NEGR1: variants seen among roughly 807,000 people sequenced by gnomAD.
NEGR1 encodes the protein IgLON family member 4.
In NEGR1, 10 loss-of-function variants were observed where a neutral mutation model predicts 40.9. That is an observed-to-expected ratio of 0.24 (90% confidence interval 0.15 to 0.42). The LOEUF (loss-of-function observed/expected upper bound fraction) is 0.42, where lower values mean the gene tolerates loss of function less well. NEGR1 is among the 10% of genes least tolerant of loss of function. The probability of loss-of-function intolerance (pLI) is 1.00; values close to 1 mark genes in which losing one functional copy is unlikely to be tolerated. For synonymous variants in NEGR1, 185 were observed against 166.8 expected (o/e 1.11, Z -0.84); for missense variants, 352 against 438.9 (o/e 0.80, Z 1.77).
intron 5 of NEGR1, 112 bp from the exon 6 acceptor site, chr1:71,593,080 T>C: frequency 1.5e-6 from 1 of 647,394 alleles, no homozygotes; most frequent in Admixed American, 2.6e-5. Flanking sequence ...TACGCTGACG[T>C]TAGCATATAA....
At chr1:71,471,705 A>T (rs915756033) in intron 6 of NEGR1, among the ~76,000 whole-genome samples, 1 of 152,090 alleles carries the variant, frequency 6.6e-6, no homozygotes, top group East Asian at 1.9e-4. Context: ...GGTGCTCAAT[A>T]AAATCTGACC....
intron 1 of NEGR1, among the ~76,000 whole-genome samples, chr1:72,182,457 C>T (rs1413012384): frequency 6.6e-6 from 1 of 152,054 alleles, no homozygotes; most frequent in African/African-American, 2.4e-5. Context: ...CATGCCACTG[C>T]ATTCCAGGCT....
At chr1:71,692,219 T>C (rs1653310013) in intron 4 of NEGR1, among the ~76,000 whole-genome samples, 1 of 151,788 alleles carries the variant, frequency 6.6e-6, no homozygotes, top group African/African-American at 2.4e-5. Flanking sequence ...TTATAGGAAC[T>C]AATACTTTAT....
At chr1:71,572,604 C>T (rs140342867) in intron 6 of NEGR1, among the ~76,000 whole-genome samples, 6 of 152,186 alleles carry the variant, frequency 3.9e-5, no homozygotes, top group African/African-American at 7.2e-5. Context: ...CAGCCATGTA[C>T]GCGTGAGGTC....
At chr1:71,801,084 T>C (rs1401364412) in intron 2 of NEGR1, among the ~76,000 whole-genome samples, 1 of 152,168 alleles carries the variant, frequency 6.6e-6, no homozygotes, top group African/African-American at 2.4e-5. Context: ...TCAGCTCTCA[T>C]CTTACTTAGT....
chr1:72,118,819 T>A (rs1364842196), intron 1 of NEGR1, among the ~76,000 whole-genome samples: 1 of 151,804 alleles, frequency 6.6e-6, no homozygotes, highest in Non-Finnish European at 1.5e-5. Context: ...TATTGTTTAT[T>A]TTCTATATTT....
chr1:71,436,974 G>T (rs1340741854), intron 6 of NEGR1, among the ~76,000 whole-genome samples: 4 of 152,090 alleles, frequency 2.6e-5, no homozygotes, highest in African/African-American at 9.7e-5. Context: ...CTGCATAGGG[G>T]CTTAGGGCCT....
chr1:71,855,592 T>C (rs774481480), intron 2 of NEGR1, among the ~76,000 whole-genome samples: 5 of 152,068 alleles, frequency 3.3e-5, no homozygotes, highest in Non-Finnish European at 5.9e-5. Flanking sequence ...ACAATAAGCC[T>C]ATTATTTTGA....
chr1:72,089,813 T>C (rs1272774577), intron 1 of NEGR1, among the ~76,000 whole-genome samples: 1 of 152,240 alleles, frequency 6.6e-6, no homozygotes, highest in East Asian at 1.9e-4. Context: ...ATTAAATATA[T>C]GTAACTAATT....
intron 2 of NEGR1, among the ~76,000 whole-genome samples, chr1:71,834,887 T>TCACACA (rs10524992): frequency 2.7e-5 from 4 of 146,236 alleles, no homozygotes; most frequent in African/African-American, 1.0e-4. Flanking sequence ...TTTTAGGAGA[T>TCACACA]CACACACACA....
chr1:71,732,645 AG>A (rs1654921317), intron 3 of NEGR1, among the ~76,000 whole-genome samples: 1 of 152,100 alleles, frequency 6.6e-6, no homozygotes, highest in East Asian at 1.9e-4. Context: ...GAAAAAATCA[AG>A]TTTTTTTTCC....
chr1:72,096,028 T>C (rs1026345951), intron 1 of NEGR1, among the ~76,000 whole-genome samples: 12 of 152,152 alleles, frequency 7.9e-5, no homozygotes, highest in Non-Finnish European at 1.5e-4. Context: ...TGATAAAGTA[T>C]CTTGCTAAGA....
Position 72,282,396 on chromosome 1 carries a change from C to G in NEGR1, c.99G>C (p.Pro33=), listed in dbSNP as rs202188377. ...AGGGGAAGTCCACACTCTGTCCAGC[C>G]GGGAGGCAGGAGGGTAGCAGGCAGC... ...SLCCLLPSCL[P]AGQSVDFPWA... is the part of the protein sequence containing the mutation. Residue 33 remains proline, a synonymous_variant, in exon 1 of 7, where the codon CCG becomes CCC. Coordinates refer to ENST00000357731, the MANE Select transcript of NEGR1 (RefSeq NM_173808.3). 6.2e-6 allele frequency: 10 copies of G among 1,613,970 alleles called. No homozygotes were observed. The highest frequency in any genetic ancestry group is 8.5e-6 in the Non-Finnish European group (10 of 1,179,984).
chr1:71,467,376 T>C (rs1440287590), intron 6 of NEGR1, among the ~76,000 whole-genome samples: 1 of 152,106 alleles, frequency 6.6e-6, no homozygotes, highest in Admixed American at 6.6e-5. Context: ...TAATCTGCGT[T>C]ATACATGTTA....
At chr1:72,240,508 C>G (rs1467150791) in intron 1 of NEGR1, among the ~76,000 whole-genome samples, 1 of 151,794 alleles carries the variant, frequency 6.6e-6, no homozygotes, top group Non-Finnish European at 1.5e-5. Flanking sequence ...CCAAGCATTT[C>G]TTCAAAGAAT....
intron 1 of NEGR1, among the ~76,000 whole-genome samples, chr1:72,154,983 C>A (rs971984572): frequency 1.3e-5 from 2 of 151,882 alleles, no homozygotes; most frequent in Non-Finnish European, 2.9e-5. Flanking sequence ...AAAAACTCTG[C>A]AAATTCTTGT....
chr1:72,021,861 C>A (rs1400241869), intron 1 of NEGR1, among the ~76,000 whole-genome samples: 2 of 152,154 alleles, frequency 1.3e-5, no homozygotes, highest in Non-Finnish European at 2.9e-5. Flanking sequence ...AGAGGCTGGG[C>A]ACGGTGGCTC....
At chr1:72,208,194 C>T (rs930035763) in intron 1 of NEGR1, among the ~76,000 whole-genome samples, 3 of 151,572 alleles carry the variant, frequency 2.0e-5, no homozygotes, top group Non-Finnish European at 3.0e-5. Flanking sequence ...TGCCTGCATG[C>T]ATGTGTGTGT....
rs150641713 is a variant in NEGR1, at chr1:71,684,519, C to T, written c.667+13489G>A. On this transcript the variant is annotated intron_variant, in intron 4 of 6. Coordinates refer to ENST00000357731, the MANE Select transcript of NEGR1 (RefSeq NM_173808.3). The stretch of plus-strand genomic sequence containing the variant: ...TTGTGTGCGTGTGTGTGTGTGCGTG[C>T]GTGCACATTCTATATTATTTCATCT... 3.4e-3 allele frequency among the ~76,000 whole-genome samples: 521 copies of T among 151,974 alleles called. 4 individuals carry two copies. The highest frequency in any genetic ancestry group is 0.012 in the African/African-American group (493 of 41,472).
Sources: gnomAD v4.1 joint callset for allele counts (sites outside exome capture counted in the v4.1 genomes callset) on GRCh38, gnomAD v4.1.1 for gene constraint, MANE v1.5 for transcripts, NCBI Gene and HGNC (gene_info 2026-07-23, HGNC 2026-07-21) for gene names.